The following DPP10 variants were observed in gnomAD, a reference collection of about 807,000 sequenced individuals.
DPP10 encodes inactive dipeptidyl peptidase 10.
Under a neutral mutation model 120.9 loss-of-function variants are expected in DPP10, and 33 were observed. The ratio of observed to expected loss-of-function variants is 0.27; its 90% CI spans 0.21 to 0.37. The LOEUF (loss-of-function observed/expected upper bound fraction) is 0.37. Ranked by LOEUF, DPP10 falls within the 10% of genes least tolerant of loss-of-function variation. DPP10 has a pLI of 1.00. For synonymous variants in DPP10, 337 were observed against 326.1 expected, an observed-to-expected ratio of 1.03 and a Z score of -0.36; for missense variants, 816 against 942.8, an observed-to-expected ratio of 0.87 and a Z score of 1.76.
At chr2:115,306,615 G>C (rs1305473363) in intron 1 of DPP10, among the ~76,000 whole-genome samples, 1 of 152,106 alleles carries the variant, frequency 6.6e-6, no homozygotes, top group Non-Finnish European at 1.5e-5. Context: ...AAGGTGGATG[G>C]AAAGGGGAGA....
At chr2:115,777,862 A>T in intron 15 of DPP10, 28 bp downstream of exon 15, 1 of 1,606,358 alleles carries the variant, frequency 6.2e-7, no homozygotes, top group Non-Finnish European at 8.5e-7. Flanking sequence ...ATCTCCTTAC[A>T]CAGATTGGCT....
intron 5 of DPP10, among the ~76,000 whole-genome samples, chr2:115,592,951 T>G (rs2149182326): frequency 6.6e-6 from 1 of 152,264 alleles, no homozygotes; most frequent in African/African-American, 2.4e-5. Flanking sequence ...TAAAATATAT[T>G]TATGTCTTTT....
rs914401699 is a variant in DPP10, at chr2:114,662,617, G to A, written c.60+219779G>A. ...TTCCCTGAGAACACGGTCCAGGGAG[G>A]CTGGATGGCCACCGCGTCCACGGAG... On this transcript the variant is annotated intron_variant, in intron 1 of 25. Transcript: ENST00000410059. Among the ~76,000 whole-genome samples, 3 of 152,194 alleles carry A rather than the reference G, an allele frequency of 2.0e-5. No individual in the cohort carries two copies. The South Asian group carries it at 6.2e-4, about 32-fold the overall frequency.
intron 1 of DPP10, among the ~76,000 whole-genome samples, chr2:114,711,875 T>C (rs566716368): frequency 6.6e-6 from 1 of 152,340 alleles, no homozygotes; most frequent in African/African-American, 2.4e-5. Context: ...ACTTCATGTA[T>C]ACAAGACTGC....
At chr2:114,734,618 C>G (rs1020462806) in intron 1 of DPP10, among the ~76,000 whole-genome samples, 1 of 152,190 alleles carries the variant, frequency 6.6e-6, no homozygotes, top group Non-Finnish European at 1.5e-5. Flanking sequence ...AGGGCTGTGT[C>G]ACAGGCCATG....
chr2:114,613,394 C>A (rs188984624), intron 1 of DPP10, among the ~76,000 whole-genome samples: 1 of 152,012 alleles, frequency 6.6e-6, no homozygotes, highest in African/African-American at 2.4e-5. Context: ...TTGAGAGGGG[C>A]GGAGTTGGAA....
At chr2:115,514,326 G>T (rs923426727) in intron 4 of DPP10, among the ~76,000 whole-genome samples, 5 of 151,600 alleles carry the variant, frequency 3.3e-5, no homozygotes, top group South Asian at 2.1e-4. Flanking sequence ...AATCGAGAAG[G>T]TTGGAGTCAT....
At chr2:115,758,930 T>C (rs1219960850) in intron 11 of DPP10, among the ~76,000 whole-genome samples, 1 of 152,214 alleles carries the variant, frequency 6.6e-6, no homozygotes, top group African/African-American at 2.4e-5. Flanking sequence ...AAAATCAATT[T>C]GGGATAAATC....
chr2:114,805,740 C>T (rs1684668489), intron 1 of DPP10, among the ~76,000 whole-genome samples: 3 of 152,208 alleles, frequency 2.0e-5, no homozygotes, highest in Admixed American at 6.5e-5. Flanking sequence ...GATTAGCTCT[C>T]ACCTCAAATT....
chr2:115,692,863 A>G (rs1292473092), intron 7 of DPP10, among the ~76,000 whole-genome samples: 3 of 152,180 alleles, frequency 2.0e-5, no homozygotes, highest in African/African-American at 7.2e-5. Context: ...TATTAGTGAA[A>G]TAGGGTAATT....
intron 14 of DPP10, 74 bp from the exon 15 acceptor site, chr2:115,777,713 C>A: frequency 6.8e-7 from 1 of 1,479,306 alleles, no homozygotes; most frequent in Non-Finnish European, 9.4e-7. Context: ...TTCAATGTGA[C>A]AATGTGACAA....
intron 1 of DPP10, among the ~76,000 whole-genome samples, chr2:114,934,254 A>G (rs535947685): frequency 3.4e-4 from 52 of 152,322 alleles, no homozygotes; most frequent in Non-Finnish European, 6.8e-4. Context: ...TGACTCCCCA[A>G]AAACTTAACT....
chr2:115,532,118 G>C (rs2078506510), intron 5 of DPP10, among the ~76,000 whole-genome samples: 1 of 151,954 alleles, frequency 6.6e-6, no homozygotes, highest in South Asian at 2.1e-4. Flanking sequence ...CCATTACTCT[G>C]CTTCTTCTTT....
At chr2:115,781,955 T>TCAA (rs1296727541) in intron 16 of DPP10, among the ~76,000 whole-genome samples, 2 of 152,052 alleles carry the variant, frequency 1.3e-5, no homozygotes, top group Non-Finnish European at 2.9e-5. Flanking sequence ...TGCTTTCTTT[T>TCAA]TTTGGCTGAG....
intron 1 of DPP10, among the ~76,000 whole-genome samples, chr2:114,855,040 CTT>C (rs1689265165): frequency 6.6e-6 from 1 of 152,072 alleles, no homozygotes; most frequent in African/African-American, 2.4e-5. Flanking sequence ...GAAAAAGTGT[CTT>C]TTGATGTACA....
intron 5 of DPP10, among the ~76,000 whole-genome samples, chr2:115,625,667 C>G (rs183302755): frequency 6.6e-6 from 1 of 152,214 alleles, no homozygotes; most frequent in Admixed American, 6.5e-5. Flanking sequence ...GTTTCTACAA[C>G]TCCATGTTTA....
At chr2:115,428,734 C>G (rs1444177164) in intron 3 of DPP10, among the ~76,000 whole-genome samples, 1 of 152,172 alleles carries the variant, frequency 6.6e-6, no homozygotes, top group Non-Finnish European at 1.5e-5. Context: ...ATAAATTTAA[C>G]TTCCTCAGCA....
chr2:115,476,747 A>C (rs985279071), intron 3 of DPP10, among the ~76,000 whole-genome samples: 5 of 152,312 alleles, frequency 3.3e-5, no homozygotes, highest in Admixed American at 6.5e-5. Context: ...AAACTGTGTT[A>C]ATACTGTTAC....
chr2:115,645,947 A>G (rs2087207381), intron 5 of DPP10, among the ~76,000 whole-genome samples: 1 of 152,218 alleles, frequency 6.6e-6, no homozygotes, highest in Non-Finnish European at 1.5e-5. Flanking sequence ...TAGACAGGAA[A>G]GACAGAAGAG....
Sources: gnomAD v4.1 joint callset for allele counts (sites outside exome capture counted in the v4.1 genomes callset) on GRCh38, gnomAD v4.1.1 for gene constraint, MANE v1.5 for transcripts, NCBI Gene and HGNC (gene_info 2026-07-23, HGNC 2026-07-21) for gene names.